The following PLCL2 variants were observed in gnomAD, a reference collection of about 807,000 sequenced individuals.
PLCL2 encodes the protein inactive phospholipase C-like protein 2.
In PLCL2, 4 loss-of-function variants were observed where a neutral mutation model predicts 79.6. The observed-to-expected ratio is 0.05, with a 90% CI of 0.02 to 0.11. The LOEUF is 0.11. PLCL2 is among the 10% of genes least tolerant of loss of function. The pLI, the probability that PLCL2 is intolerant of heterozygous loss-of-function variation, is 1.00. For missense variants in PLCL2, 895 were observed against 1,291.0 expected, an observed-to-expected ratio of 0.69 and a Z score of 4.70; for synonymous variants, 484 against 457.7, an observed-to-expected ratio of 1.06 and a Z score of -0.73.
chr3:16,948,270 G>C (rs1021398475), intron 1 of PLCL2, among the ~76,000 whole-genome samples: 2 of 151,110 alleles, frequency 1.3e-5, no homozygotes, highest in Non-Finnish European at 2.9e-5. Context: ...ACAAAAGGCC[G>C]TATATTTATA....
chr3:16,968,277 T>G (rs2124976339), intron 1 of PLCL2, among the ~76,000 whole-genome samples: 1 of 152,306 alleles, frequency 6.6e-6, no homozygotes, highest in African/African-American at 2.4e-5. Flanking sequence ...CATACCAATT[T>G]TAACATAGTT....
At chr3:17,031,423 C>T (rs1056995743) in intron 3 of PLCL2, among the ~76,000 whole-genome samples, 1 of 152,160 alleles carries the variant, frequency 6.6e-6, no homozygotes. Context: ...TCCCTTCCTC[C>T]TTTCATGTCT....
intron 1 of PLCL2, among the ~76,000 whole-genome samples, chr3:16,885,864 G>A (rs1343803521): frequency 6.6e-6 from 1 of 152,186 alleles, no homozygotes; most frequent in African/African-American, 2.4e-5. Flanking sequence ...CACTTCGAGG[G>A]TGCAAAATCT....
Position 16,908,194 on chromosome 3 carries a change from C to A in PLCL2, c.327+22828C>A, listed in dbSNP as rs565985471. 7.9e-5 allele frequency among the ~76,000 whole-genome samples: 12 copies of A among 152,264 alleles called. No individual in the cohort carries two copies. The East Asian group carries it at 2.3e-3, about 29-fold the overall frequency. On this transcript the variant is annotated intron_variant, in intron 1 of 5. Transcript: ENST00000615277. ...CTCCCACCTTCAGCAGTTATCAGCT[C>A]ATGGCTAATATTGTTTCCTCTGCAT...
Position 17,081,401 on chromosome 3 carries a change from C to T in PLCL2, c.3205-8332C>T, listed in dbSNP as rs73151384. 7.2e-3 allele frequency: 2,551 copies of T among 352,898 alleles called. 63 individuals are homozygous for T. Among genetic ancestry groups the T allele is most frequent in the African/African-American group, 0.051 (2,373 of 46,926 alleles). The allele number at this position is 352,898 out of a possible 1,614,324, so 21.9% of individuals were successfully genotyped here. On this transcript the variant is annotated intron_variant, in intron 5 of 5. Coordinates refer to ENST00000615277, the MANE Select transcript of PLCL2 (RefSeq NM_001144382.2). ...AGAGGGCAGGGGAAGTCTTAGCTGC[C>T]GCACTGGATCCCTCACCTCAGAAGT...
intron 5 of PLCL2, among the ~76,000 whole-genome samples, chr3:17,069,975 G>A (rs34183142): frequency 6.6e-6 from 1 of 152,162 alleles, no homozygotes; most frequent in African/African-American, 2.4e-5. Flanking sequence ...GAGGTGGGGG[G>A]TACACTATAA....
intron 1 of PLCL2, among the ~76,000 whole-genome samples, chr3:16,986,469 T>C (rs761973714): frequency 1.3e-5 from 2 of 152,110 alleles, no homozygotes; most frequent in African/African-American, 4.8e-5. Context: ...TGGCATGATA[T>C]CGGCTCACTG....
chr3:17,069,572 G>T lies in PLCL2; in HGVS notation c.3204+1507G>T, dbSNP rs143585083. The stretch of plus-strand genomic sequence containing the variant: ...CTTCTTTAGTTCAGCATGTCAAAGT[G>T]TCATCTTTTGGGGTATTGTTTTCTG... On this transcript the variant is annotated intron_variant, in intron 5 of 5. Coordinates refer to ENST00000615277, the MANE Select transcript of PLCL2 (RefSeq NM_001144382.2). Among the ~76,000 whole-genome samples, 601 of 152,266 alleles carry T rather than the reference G, an allele frequency of 3.9e-3. 18 individuals carry two copies. The highest frequency in any genetic ancestry group is 0.036 in the Admixed American group (550 of 15,300).
chr3:16,904,134 A>C (rs1696694758), intron 1 of PLCL2, among the ~76,000 whole-genome samples: 2 of 152,246 alleles, frequency 1.3e-5, no homozygotes, highest in South Asian at 4.1e-4. Context: ...TGGTGAAAAA[A>C]GTCCCATGTG....
intron 4 of PLCL2, among the ~76,000 whole-genome samples, chr3:17,052,800 A>C (rs1423500937): frequency 2.6e-5 from 4 of 151,860 alleles, no homozygotes; most frequent in Non-Finnish European, 1.5e-5. Flanking sequence ...TAGTAAATAC[A>C]TTTTCTCTTC....
intron 5 of PLCL2, among the ~76,000 whole-genome samples, chr3:17,080,140 G>C (rs769554542): frequency 2.0e-5 from 3 of 152,206 alleles, no homozygotes; most frequent in Non-Finnish European, 4.4e-5. Flanking sequence ...AAACGTGTGA[G>C]TGCACATACA....
chr3:17,084,944 GAAAAT>G (rs1230061546), intron 5 of PLCL2, among the ~76,000 whole-genome samples: 1 of 151,962 alleles, frequency 6.6e-6, no homozygotes, highest in Non-Finnish European at 1.5e-5. Context: ...AGAAAGACAA[GAAAAT>G]AAAATAAAAG....
At chr3:16,940,993 C>T (rs1697667220) in intron 1 of PLCL2, among the ~76,000 whole-genome samples, 1 of 152,154 alleles carries the variant, frequency 6.6e-6, no homozygotes, top group Non-Finnish European at 1.5e-5. Context: ...TGCTACGAGC[C>T]CTTGGCTTCC....
intron 4 of PLCL2, among the ~76,000 whole-genome samples, chr3:17,046,056 G>C (rs1178294610): frequency 1.3e-5 from 2 of 152,118 alleles, no homozygotes; most frequent in African/African-American, 2.4e-5. Flanking sequence ...TCCTGCAGGG[G>C]TGATATGGGA....
At chr3:17,041,315 C>T (rs185242442) in intron 3 of PLCL2, among the ~76,000 whole-genome samples, 1 of 152,276 alleles carries the variant, frequency 6.6e-6, no homozygotes, top group East Asian at 1.9e-4. Context: ...GGGGTTGTAT[C>T]CTGTAGGTCA....
At chr3:16,978,276 C>G (rs1205661221) in intron 1 of PLCL2, among the ~76,000 whole-genome samples, 2 of 152,092 alleles carry the variant, frequency 1.3e-5, no homozygotes, top group Non-Finnish European at 2.9e-5. Context: ...AAAAATTAAT[C>G]GAAGATTTAA....
In PLCL2 at chr3:17,050,128, T is replaced by C. The variant is rs142484786; in HGVS notation, c.3094+7179T>C. Among the ~76,000 whole-genome samples, 8 of 152,250 alleles carry C rather than the reference T, an allele frequency of 5.3e-5. No individual in the cohort carries two copies. In the East Asian group the frequency reaches 1.5e-3, roughly 29 times the overall value. On this transcript the variant is annotated intron_variant, in intron 4 of 5. Coordinates refer to ENST00000615277, the MANE Select transcript of PLCL2 (RefSeq NM_001144382.2). ...TCGTGCAGGGAAAACGGGATATCCA[T>C]ATGCAGAAGAATGAAACTGGACCCC...
chr3:16,972,194 A>G (rs1339677452), intron 1 of PLCL2, among the ~76,000 whole-genome samples: 1 of 152,170 alleles, frequency 6.6e-6, no homozygotes, highest in Non-Finnish European at 1.5e-5. Context: ...ATTAGGCAGG[A>G]GAAGGAAATA....
At chr3:16,979,216 C>T (rs1490962200) in intron 1 of PLCL2, among the ~76,000 whole-genome samples, 1 of 152,088 alleles carries the variant, frequency 6.6e-6, no homozygotes, top group East Asian at 1.9e-4. Context: ...CATGAACTGT[C>T]AGTTTCTTTT....
Sources: gnomAD v4.1 joint callset for allele counts (sites outside exome capture counted in the v4.1 genomes callset) on GRCh38, gnomAD v4.1.1 for gene constraint, MANE v1.5 for transcripts, NCBI Gene and HGNC (gene_info 2026-07-23, HGNC 2026-07-21) for gene names.